The following BBX variants were observed in gnomAD, a reference collection of about 807,000 sequenced individuals.
BBX encodes HMG box transcription factor BBX.
Under a neutral mutation model 100.2 loss-of-function variants are expected in BBX, and 30 were observed. That is an observed-to-expected ratio of 0.30 (90% CI 0.22 to 0.41). BBX has a LOEUF of 0.41. Among genes scored for constraint, BBX ranks in the 10% least tolerant of loss-of-function variants. The probability of loss-of-function intolerance (pLI) is 1.00; values close to 1 mark genes in which losing one functional copy is unlikely to be tolerated. For missense variants in BBX, 1,023 were observed against 1,129.8 expected (o/e 0.91, Z 1.35); for synonymous variants, 376 against 388.1 (o/e 0.97, Z 0.37).
intron 13 of BBX, among the ~76,000 whole-genome samples, chr3:107,788,109 ATTTAT>A (rs749682136): frequency 1.3e-5 from 2 of 152,156 alleles, no homozygotes; most frequent in South Asian, 2.1e-4. Context: ...TATAGCTGGT[ATTTAT>A]TTTATTTTAT....
intron 2 of BBX, among the ~76,000 whole-genome samples, chr3:107,527,869 C>A (rs2047889415): frequency 6.6e-6 from 1 of 152,140 alleles, no homozygotes; most frequent in South Asian, 2.1e-4. Context: ...ATTCAAAATG[C>A]ATTCTTGATT....
chr3:107,799,845 G>A (rs1171255484), intron 16 of BBX, among the ~76,000 whole-genome samples: 1 of 152,134 alleles, frequency 6.6e-6, no homozygotes. Context: ...CCAAGGTAAG[G>A]GGTGTGGCCG....
intron 5 of BBX, among the ~76,000 whole-genome samples, chr3:107,720,590 G>A (rs771413559): frequency 2.6e-5 from 4 of 151,950 alleles, no homozygotes; most frequent in South Asian, 2.1e-4. Flanking sequence ...CAAAAACCAC[G>A]AGAGACCAGA....
At chr3:107,763,883 A>G (rs533557532) in intron 10 of BBX, among the ~76,000 whole-genome samples, 1 of 152,280 alleles carries the variant, frequency 6.6e-6, no homozygotes, top group African/African-American at 2.4e-5. Flanking sequence ...ATATTAAAAT[A>G]TTGGTGATTA....
At chr3:107,581,664 C>T (rs773203001) in intron 2 of BBX, among the ~76,000 whole-genome samples, 3 of 152,084 alleles carry the variant, frequency 2.0e-5, no homozygotes, top group Non-Finnish European at 2.9e-5. Flanking sequence ...CTGCTTCATA[C>T]TCCGTCGTTA....
chr3:107,793,315 T>G (rs2069249030), intron 15 of BBX, among the ~76,000 whole-genome samples: 1 of 152,134 alleles, frequency 6.6e-6, no homozygotes, highest in South Asian at 2.1e-4. Context: ...TTGGTGATAT[T>G]TAATTATATT....
At chr3:107,595,592 C>A (rs560216033) in intron 2 of BBX, among the ~76,000 whole-genome samples, 1 of 152,048 alleles carries the variant, frequency 6.6e-6, no homozygotes, top group Non-Finnish European at 1.5e-5. Context: ...GATTTGACAC[C>A]GAAATGAATG....
chr3:107,762,889 T>C (rs930396406), intron 10 of BBX, among the ~76,000 whole-genome samples: 3 of 152,214 alleles, frequency 2.0e-5, no homozygotes, highest in Non-Finnish European at 2.9e-5. Context: ...TCCAATACTT[T>C]GAGTTCTGCC....
intron 2 of BBX, among the ~76,000 whole-genome samples, chr3:107,559,561 A>G (rs2050328910): frequency 6.6e-6 from 1 of 152,186 alleles, no homozygotes; most frequent in Non-Finnish European, 1.5e-5. Context: ...CAGTTAGGCA[A>G]GAGGCATCCC....
At chr3:107,685,875 C>G (rs2059819553) in intron 3 of BBX, among the ~76,000 whole-genome samples, 1 of 152,110 alleles carries the variant, frequency 6.6e-6, no homozygotes, top group Non-Finnish European at 1.5e-5. Context: ...AGCAAGGAAC[C>G]CTGAGAATTG....
chr3:107,754,094 C>G (rs574908539), intron 9 of BBX, among the ~76,000 whole-genome samples: 1 of 152,248 alleles, frequency 6.6e-6, no homozygotes, highest in East Asian at 1.9e-4. Context: ...AAATGAGGCT[C>G]AAAATCTTAT....
intron 10 of BBX, among the ~76,000 whole-genome samples, chr3:107,767,166 A>G (rs906447364): frequency 1.3e-5 from 2 of 152,226 alleles, no homozygotes; most frequent in African/African-American, 4.8e-5. Flanking sequence ...AACTGTGCAC[A>G]TTCTGCATAT....
chr3:107,734,544 T>C (rs549297770), intron 7 of BBX, among the ~76,000 whole-genome samples: 1 of 152,332 alleles, frequency 6.6e-6, no homozygotes, highest in East Asian at 1.9e-4. Flanking sequence ...ACTAATAATA[T>C]GCACTTGACC....
chr3:107,532,160 C>G (rs1012081212), intron 2 of BBX, among the ~76,000 whole-genome samples: 1 of 152,030 alleles, frequency 6.6e-6, no homozygotes, highest in Admixed American at 6.6e-5. Context: ...TGTCACCGCA[C>G]TCCAGCCTGG....
chr3:107,536,576 G>C (rs1055254064), intron 2 of BBX, among the ~76,000 whole-genome samples: 5 of 152,040 alleles, frequency 3.3e-5, no homozygotes, highest in African/African-American at 1.2e-4. Flanking sequence ...CACATTGGTT[G>C]GTAAACGGAA....
At position 107,716,613 on chromosome 3, in the gene BBX, C is replaced by T. The variant is rs754901525; in HGVS notation, c.169C>T (p.Leu57Phe). The T allele has an allele frequency of 6.2e-7, 1 of 1,613,446 alleles. No homozygotes were observed. The highest frequency in any genetic ancestry group is 2.2e-5 in the East Asian group (1 of 44,862). The change falls in exon 5 of 18, where the codon CTT (leucine) becomes TTT (phenylalanine). Residue 57 changes from leucine (L) to phenylalanine (F), a missense_variant. Physicochemically the swap from Leu to Phe is conservative, Grantham distance 22. Transcript: ENST00000325805. ...DEEEDIDKVQLLGADGLEQDV... is the reference protein window; with the variant it reads ...DEEEDIDKVQFLGADGLEQDV... ...TTGTTTTTGGTGGTAATAGGTTCAA[C>T]TTCTTGGGGCCGATGGCCTAGAGCA...
chr3:107,649,998 A>G, intron 3 of BBX, among the ~76,000 whole-genome samples: 1 of 152,344 alleles, frequency 6.6e-6, no homozygotes, highest in South Asian at 2.1e-4. Flanking sequence ...GCAAGGTACA[A>G]GAACAGAAAA....
At chr3:107,743,918 G>GTTTTTTTTTTTTTTTT (rs34762783) in intron 7 of BBX, among the ~76,000 whole-genome samples, 4 of 56,620 alleles carry the variant, frequency 7.1e-5, no homozygotes, top group Non-Finnish European at 9.2e-5. Context: ...TGTTTTAGTG[G>GTTTTTTTTTTTTTTTT]TTTTTTTTTT....
At chr3:107,610,856 G>C (rs891680005) in intron 2 of BBX, among the ~76,000 whole-genome samples, 4 of 98,426 alleles carry the variant, frequency 4.1e-5, no homozygotes, top group Admixed American at 9.7e-5. Flanking sequence ...TACATCACAT[G>C]TTATTATTGA....
Sources: allele counts gnomAD v4.1 joint callset (sites outside exome capture counted in the v4.1 genomes callset), GRCh38; gene constraint gnomAD v4.1.1; transcripts MANE v1.5; gene names NCBI Gene and HGNC (gene_info 2026-07-23, HGNC 2026-07-21).